The following NRXN1 variants were observed in gnomAD, a reference collection of about 807,000 sequenced individuals.
NRXN1 encodes the protein neurexin-1.
Under a neutral mutation model 150.9 loss-of-function variants are expected in NRXN1, and 39 were observed. The observed-to-expected ratio is 0.26, with a 90% CI of 0.20 to 0.34. NRXN1 has a LOEUF of 0.34. Ranked by LOEUF, NRXN1 falls within the 10% of genes least tolerant of loss-of-function variation. NRXN1 has a pLI of 1.00. For synonymous variants in NRXN1, 924 were observed against 757.0 expected (o/e 1.22, Z -3.62); for missense variants, 1,815 against 1,949.9 (o/e 0.93, Z 1.30).
At chr2:50,506,673 A>T in intron 12 of NRXN1, 56 bp from the exon 13 acceptor site, 1 of 1,591,824 alleles carries the variant, frequency 6.3e-7, no homozygotes, top group East Asian at 2.3e-5. Context: ...AAGCAAATGA[A>T]CCTCACAGAG....
chr2:50,836,803 T>C (rs530265980), intron 5 of NRXN1, among the ~76,000 whole-genome samples: 11 of 145,198 alleles, frequency 7.6e-5, no homozygotes, highest in Non-Finnish European at 1.6e-4. Flanking sequence ...ATCCTTAGTA[T>C]ATGAGAAATA....
chr2:49,931,585 T>G (rs1670124898), intron 22 of NRXN1, among the ~76,000 whole-genome samples: 1 of 151,996 alleles, frequency 6.6e-6, no homozygotes, highest in African/African-American at 2.4e-5. Flanking sequence ...CTATTGGAAT[T>G]GAAAAGGGTC....
chr2:49,947,514 C>CTTTTT (rs199991365), intron 21 of NRXN1, among the ~76,000 whole-genome samples: 4 of 109,002 alleles, frequency 3.7e-5, no homozygotes, highest in African/African-American at 6.7e-5. Context: ...TTTTTTTTTT[C>CTTTTT]TTTTTTTTTT....
intron 8 of NRXN1, among the ~76,000 whole-genome samples, chr2:50,608,463 AG>A (rs1677491228): frequency 6.6e-6 from 1 of 152,122 alleles, no homozygotes; most frequent in Non-Finnish European, 1.5e-5. Flanking sequence ...GTAAATCTCT[AG>A]GTATGCTATG....
chr2:50,340,161 T>C (rs1372587167), intron 17 of NRXN1, among the ~76,000 whole-genome samples: 4 of 152,178 alleles, frequency 2.6e-5, no homozygotes, highest in Non-Finnish European at 5.9e-5. Flanking sequence ...GTGATGATGA[T>C]TAAATGAGAC....
chr2:50,694,501 T>C (rs977652197), intron 5 of NRXN1, among the ~76,000 whole-genome samples: 1 of 152,190 alleles, frequency 6.6e-6, no homozygotes, highest in Admixed American at 6.5e-5. Flanking sequence ...ACCTTCTATA[T>C]TTGTTAGTTG....
intron 5 of NRXN1, among the ~76,000 whole-genome samples, chr2:50,827,532 A>G (rs889804427): frequency 1.3e-5 from 2 of 150,412 alleles, no homozygotes; most frequent in Non-Finnish European, 3.0e-5. Context: ...AAACTCTTTT[A>G]AAGACTTACT....
intron 19 of NRXN1, among the ~76,000 whole-genome samples, chr2:50,068,080 AG>A (rs1365203452): frequency 6.6e-6 from 1 of 152,196 alleles, no homozygotes; most frequent in African/African-American, 2.4e-5. Flanking sequence ...CCTATTCTCA[AG>A]TGGAAAAGAA....
intron 21 of NRXN1, among the ~76,000 whole-genome samples, chr2:50,033,380 G>C (rs1370909373): frequency 6.6e-6 from 1 of 152,068 alleles, no homozygotes; most frequent in Non-Finnish European, 1.5e-5. Flanking sequence ...AAGAGGAAAG[G>C]ACTCCCTATT....
At chr2:50,005,715 T>A (rs1573360727) in intron 21 of NRXN1, among the ~76,000 whole-genome samples, 1 of 152,158 alleles carries the variant, frequency 6.6e-6, no homozygotes. Context: ...TCTCTAAACA[T>A]CTGCTCAAAA....
intron 16 of NRXN1, among the ~76,000 whole-genome samples, chr2:50,470,276 G>T (rs766090376): frequency 6.6e-6 from 1 of 151,548 alleles, no homozygotes; most frequent in Non-Finnish European, 1.5e-5. Flanking sequence ...TCCACTAATG[G>T]GAATTGATCC....
chr2:50,380,643 G>A (rs1178343259), intron 17 of NRXN1, among the ~76,000 whole-genome samples: 2 of 152,012 alleles, frequency 1.3e-5, no homozygotes, highest in Non-Finnish European at 2.9e-5. Context: ...TGTGCCTTGT[G>A]CAAAGAAGAC....
chr2:50,626,567 A>G lies in NRXN1; in HGVS notation c.833-2952T>C, dbSNP rs369732701. On this transcript the variant is annotated intron_variant, in intron 5 of 22. Transcript: ENST00000401669. The stretch of plus-strand genomic sequence containing the variant: ...AGGTTACTGGGACAATCAGTTATTC[A>G]TAAGAAAAAAGTGAAATTGGATCTT... 7.9e-5 allele frequency among the ~76,000 whole-genome samples: 12 copies of G among 152,116 alleles called. No homozygotes were observed. In the South Asian group the frequency reaches 8.3e-4, roughly 11 times the overall value.
chr2:50,922,675 A>AGGT lies in NRXN1; in HGVS notation c.800_802dup (p.His267dup). The AGGT allele has an allele frequency of 6.2e-7, 1 of 1,610,530 alleles. No homozygotes were observed. On this transcript the variant is annotated inframe_insertion, in exon 4 of 23. Coordinates refer to ENST00000401669, the MANE Select transcript of NRXN1 (RefSeq NM_001330078.2). ...GCCCATACCTTGGTCGCCCATCATC[A>AGGT]GGTGCGCCAGACCTTGAAGGGAAAC...
intron 5 of NRXN1, among the ~76,000 whole-genome samples, chr2:50,678,312 G>C (rs1689836301): frequency 6.6e-6 from 1 of 152,082 alleles, no homozygotes; most frequent in Non-Finnish European, 1.5e-5. Flanking sequence ...TATTTCACAT[G>C]CAAAAAACTT....
chr2:50,468,284 T>A (rs2089119878), intron 16 of NRXN1, among the ~76,000 whole-genome samples: 1 of 151,630 alleles, frequency 6.6e-6, no homozygotes, highest in Non-Finnish European at 1.5e-5. Flanking sequence ...GCCCATATTG[T>A]AGAGCAGCAA....
chr2:50,904,915 T>C (rs1443772021), intron 5 of NRXN1, among the ~76,000 whole-genome samples: 1 of 152,114 alleles, frequency 6.6e-6, no homozygotes, highest in Admixed American at 6.6e-5. Context: ...ATATCCAGGC[T>C]CTTCAAGTCG....
At chr2:50,755,584 G>T (rs993398212) in intron 5 of NRXN1, among the ~76,000 whole-genome samples, 1 of 151,668 alleles carries the variant, frequency 6.6e-6, no homozygotes, top group African/African-American at 2.4e-5. Flanking sequence ...TTGGATTCCA[G>T]GCCCAAAGAT....
At chr2:50,430,607 C>T (rs938811044) in intron 17 of NRXN1, among the ~76,000 whole-genome samples, 1 of 152,138 alleles carries the variant, frequency 6.6e-6, no homozygotes, top group Non-Finnish European at 1.5e-5. Flanking sequence ...CTGTACCAGG[C>T]CCCAAATTTC....
Sources: allele counts gnomAD v4.1 joint callset (sites outside exome capture counted in the v4.1 genomes callset), GRCh38; gene constraint gnomAD v4.1.1; transcripts MANE v1.5; gene names NCBI Gene and HGNC (gene_info 2026-07-23, HGNC 2026-07-21).